SV2C: variants seen among roughly 807,000 people sequenced by gnomAD.
The protein encoded by SV2C is synaptic vesicle glycoprotein 2C, also known as solute carrier family 22 member B3.
SV2C carries 49 observed loss-of-function variants against 79.7 expected under a neutral mutation model. The observed-to-expected ratio is 0.61, with a 90% CI of 0.49 to 0.78. The LOEUF (loss-of-function observed/expected upper bound fraction) is 0.78, where lower values mean the gene tolerates loss of function less well. Ranked by LOEUF, SV2C falls within the 30% of genes least tolerant of loss-of-function variation. The pLI is 0.00. For synonymous variants in SV2C, 334 were observed against 333.2 expected (o/e 1.00, Z -0.03); for missense variants, 833 against 912.9 (o/e 0.91, Z 1.13).
chr5:76,346,064 T>C (rs1360059227), intron 12 of SV2C, among the ~76,000 whole-genome samples: 1 of 152,224 alleles, frequency 6.6e-6, no homozygotes, highest in African/African-American at 2.4e-5. Context: ...TTGTAGCGTT[T>C]GCAGATTTCC....
At chr5:76,016,976 A>G in the SV2C span, among the ~76,000 whole-genome samples, 1 of 152,228 alleles carries the variant, frequency 6.6e-6, no homozygotes, top group Non-Finnish European at 1.5e-5. Flanking sequence ...TGTTGTCATA[A>G]TTTACCAACA....
the SV2C span, among the ~76,000 whole-genome samples, chr5:76,003,080 G>A: frequency 1.3e-5 from 2 of 152,060 alleles, no homozygotes; most frequent in Non-Finnish European, 2.9e-5. Context: ...GTTTTATAAA[G>A]GGCTTTTTCC....
At chr5:75,955,815 T>C in the SV2C span, among the ~76,000 whole-genome samples, 4 of 150,546 alleles carry the variant, frequency 2.7e-5, no homozygotes, top group Non-Finnish European at 4.5e-5. Flanking sequence ...TCACTGGCCA[T>C]CAGAGAAATG....
At chr5:76,315,438 T>A (rs1748590161) in intron 12 of SV2C, among the ~76,000 whole-genome samples, 3 of 152,148 alleles carry the variant, frequency 2.0e-5, no homozygotes, top group Admixed American at 2.0e-4. Flanking sequence ...TCTCAGGAAA[T>A]CTGTTAGCTC....
chr5:76,286,302 G>A lies in SV2C; in HGVS notation c.1137+432G>A, dbSNP rs551324523. On this transcript the variant is annotated intron_variant, in intron 6 of 12. Coordinates refer to ENST00000502798, the MANE Select transcript of SV2C (RefSeq NM_014979.4). ...ACTGCCAGCTGATTCTCCTTGACCTGCTACCAGAAGAGAGCCAGGCTGTGC... is the reference window on the plus strand; with the variant it reads ...ACTGCCAGCTGATTCTCCTTGACCTACTACCAGAAGAGAGCCAGGCTGTGC... 9.3e-4 allele frequency among the ~76,000 whole-genome samples: 141 copies of A among 152,188 alleles called. 1 individual carries two copies. The highest frequency in any genetic ancestry group is 1.7e-3 in the Non-Finnish European group (113 of 67,996).
the SV2C span, among the ~76,000 whole-genome samples, chr5:75,878,136 A>G: frequency 1.3e-5 from 2 of 152,302 alleles, no homozygotes; most frequent in Admixed American, 1.3e-4. Context: ...AATATTTAAT[A>G]AAGTGAGAAA....
chr5:76,273,887 A>T (rs1173687532), intron 4 of SV2C, among the ~76,000 whole-genome samples: 2 of 152,222 alleles, frequency 1.3e-5, no homozygotes, highest in Non-Finnish European at 2.9e-5. Flanking sequence ...AATAGCGTTC[A>T]CAGGATTTCA....
At chr5:76,127,089 C>T (rs1748729145) in intron 1 of SV2C, among the ~76,000 whole-genome samples, 1 of 152,184 alleles carries the variant, frequency 6.6e-6, no homozygotes, top group Non-Finnish European at 1.5e-5. Flanking sequence ...TGGACTCTCC[C>T]AGCATCCAGA....
chr5:75,880,594 C>A, the SV2C span, among the ~76,000 whole-genome samples: 1 of 152,170 alleles, frequency 6.6e-6, no homozygotes, highest in Admixed American at 6.5e-5. Context: ...TCCTCATTTC[C>A]ATCTGAAACA....
At chr5:76,216,624 C>T (rs191883356) in intron 4 of SV2C, among the ~76,000 whole-genome samples, 2 of 152,280 alleles carry the variant, frequency 1.3e-5, no homozygotes, top group East Asian at 3.9e-4. Flanking sequence ...TGACCTAACA[C>T]CCGTTCTCAA....
the SV2C span, among the ~76,000 whole-genome samples, chr5:75,928,713 C>T: frequency 0.6 from 91,043 of 151,860 alleles, 28,960 homozygotes; most frequent in African/African-American, 0.83. Flanking sequence ...TTTAAGTACT[C>T]TTACTGTCTC....
intron 3 of SV2C, among the ~76,000 whole-genome samples, chr5:76,203,254 C>T (rs1744507174): frequency 6.6e-6 from 1 of 152,130 alleles, no homozygotes; most frequent in Non-Finnish European, 1.5e-5. Context: ...GCCTGCACCT[C>T]CAACAACTGG....
intron 1 of SV2C, among the ~76,000 whole-genome samples, chr5:76,114,810 A>G (rs1353058434): frequency 6.6e-6 from 1 of 152,248 alleles, no homozygotes; most frequent in Non-Finnish European, 1.5e-5. Flanking sequence ...AGGTTTCACA[A>G]TCATCTTTCC....
At chr5:76,315,347 G>C (rs567019300) in intron 12 of SV2C, among the ~76,000 whole-genome samples, 6 of 151,820 alleles carry the variant, frequency 4.0e-5, no homozygotes, top group African/African-American at 1.5e-4. Context: ...TGATAGTCTG[G>C]TATCAAAAAA....
At chr5:76,172,303 G>GC (rs1336075901) in intron 2 of SV2C, among the ~76,000 whole-genome samples, 1 of 88,410 alleles carries the variant, frequency 1.1e-5, no homozygotes, top group Non-Finnish European at 2.4e-5. Context: ...GGGGGGGTCA[G>GC]CCCCCCCGCC....
chr5:76,197,659 CAG>C (rs918258385), intron 3 of SV2C, among the ~76,000 whole-genome samples: 3 of 136,784 alleles, frequency 2.2e-5, no homozygotes, highest in Non-Finnish European at 3.2e-5. Context: ...CAGCATTCTC[CAG>C]AGAGAGAGAA....
chr5:76,218,708 A>T (rs891214896), intron 4 of SV2C, among the ~76,000 whole-genome samples: 1 of 121,568 alleles, frequency 8.2e-6, no homozygotes, highest in African/African-American at 3.1e-5. Context: ...TGGCATATGT[A>T]TAACTATATA....
At chr5:76,250,826 A>G (rs907677207) in intron 4 of SV2C, among the ~76,000 whole-genome samples, 3 of 152,298 alleles carry the variant, frequency 2.0e-5, no homozygotes, top group East Asian at 1.9e-4. Flanking sequence ...TGAAATCTCA[A>G]TGGACGTTTT....
At chr5:75,954,817 C>A in the SV2C span, among the ~76,000 whole-genome samples, 2 of 145,208 alleles carry the variant, frequency 1.4e-5, no homozygotes, top group East Asian at 3.9e-4. Flanking sequence ...GAATAAAATA[C>A]CTAGGAATCC....
Sources: allele counts gnomAD v4.1 joint callset (sites outside exome capture counted in the v4.1 genomes callset), GRCh38; gene constraint gnomAD v4.1.1; transcripts MANE v1.5; gene names NCBI Gene and HGNC (gene_info 2026-07-23, HGNC 2026-07-21).